The following FUT8 variants were observed in gnomAD, a reference collection of about 807,000 sequenced individuals.
FUT8 encodes the protein alpha-(1,6)-fucosyltransferase.
Under a neutral mutation model 71.3 loss-of-function variants are expected in FUT8, and 29 were observed. That is an observed-to-expected ratio of 0.41 (90% CI 0.30 to 0.55). FUT8 has a LOEUF of 0.55. FUT8 is among the 20% of genes least tolerant of loss of function. The pLI is 0.34. For missense variants in FUT8, 544 were observed against 702.1 expected (o/e 0.77, Z 2.55); for synonymous variants, 254 against 239.3 (o/e 1.06, Z -0.57).
intron 3 of FUT8, among the ~76,000 whole-genome samples, chr14:65,577,022 T>TC (rs1461005549): frequency 1.3e-5 from 2 of 150,938 alleles, no homozygotes; most frequent in African/African-American, 4.9e-5. Flanking sequence ...CTAATTAAAT[T>TC]TTTTTTTTGT....
intron 3 of FUT8, among the ~76,000 whole-genome samples, chr14:65,576,696 C>CCTTT (rs1886794034): frequency 1.0e-5 from 1 of 96,220 alleles, no homozygotes; most frequent in African/African-American, 6.3e-5. Context: ...GCCCAGCTTG[C>CCTTT]TTTTTTTTTT....
chr14:65,520,973 A>G (rs989942891), intron 2 of FUT8, among the ~76,000 whole-genome samples: 1 of 152,116 alleles, frequency 6.6e-6, no homozygotes, highest in Non-Finnish European at 1.5e-5. Flanking sequence ...GGATGATTTT[A>G]GATTTCTTTC....
chr14:65,561,993 G>A (rs971081665), intron 3 of FUT8, among the ~76,000 whole-genome samples: 2 of 152,028 alleles, frequency 1.3e-5, no homozygotes, highest in African/African-American at 4.8e-5. Flanking sequence ...ATGGGGCCCA[G>A]CACAAATTTG....
chr14:65,496,606 C>A (rs117196032), intron 2 of FUT8, among the ~76,000 whole-genome samples: 3 of 152,058 alleles, frequency 2.0e-5, no homozygotes, highest in Non-Finnish European at 4.4e-5. Flanking sequence ...TCTTGCCTGC[C>A]GCCATGTAAG....
chr14:65,448,580 T>G (rs1446342923), intron 1 of FUT8, among the ~76,000 whole-genome samples: 1 of 152,126 alleles, frequency 6.6e-6, no homozygotes, highest in African/African-American at 2.4e-5. Context: ...AAATATAATA[T>G]GTGTTAAGGT....
At chr14:65,379,512 A>G in the FUT8 span, among the ~76,000 whole-genome samples, 3 of 152,088 alleles carry the variant, frequency 2.0e-5, no homozygotes, top group Non-Finnish European at 2.9e-5. Context: ...CCTGGGCAAC[A>G]GAGGGAGACT....
At chr14:65,359,281 A>G in the FUT8 span, among the ~76,000 whole-genome samples, 2 of 152,214 alleles carry the variant, frequency 1.3e-5, no homozygotes, top group Non-Finnish European at 2.9e-5. Context: ...GTCGAAAATG[A>G]GAGAAGAAAC....
At chr14:65,394,373 A>T in the FUT8 span, among the ~76,000 whole-genome samples, 1 of 152,188 alleles carries the variant, frequency 6.6e-6, no homozygotes, top group Non-Finnish European at 1.5e-5. Flanking sequence ...TCCCTCTCAC[A>T]ACACATGGGA....
chr14:65,730,650 C>T (rs1347440540), intron 9 of FUT8, among the ~76,000 whole-genome samples: 2 of 151,898 alleles, frequency 1.3e-5, no homozygotes, highest in South Asian at 2.1e-4. Context: ...CCAGCCTGGG[C>T]GACAGAGCGA....
chr14:65,594,695 G>T (rs1468623929), intron 3 of FUT8, among the ~76,000 whole-genome samples: 1 of 152,148 alleles, frequency 6.6e-6, no homozygotes, highest in East Asian at 1.9e-4. Flanking sequence ...TCAGTGGAGA[G>T]GGGAGCGAGA....
At position 65,737,043 on chromosome 14, in the gene FUT8, C is replaced by T. The variant is rs904720931; in HGVS notation, c.1410+3662C>T. 1.1e-4 allele frequency among the ~76,000 whole-genome samples: 17 copies of T among 152,160 alleles called. No individual in the cohort carries two copies. The East Asian group carries it at 2.3e-3, about 21-fold the overall frequency. ...CCATGCTAGAAGGAAAAATACAAGG[C>T]TAGATGTTTGGAAAACTGCAGGCAA... On this transcript the variant is annotated intron_variant, in intron 10 of 10. Coordinates refer to ENST00000673929, the MANE Select transcript of FUT8 (RefSeq NM_001371533.1).
At chr14:65,446,128 T>TA (rs1363033461) in intron 1 of FUT8, among the ~76,000 whole-genome samples, 1 of 152,268 alleles carries the variant, frequency 6.6e-6, no homozygotes, top group African/African-American at 2.4e-5. Context: ...TTGAATTTGA[T>TA]ACGTCTTTTA....
chr14:65,526,076 G>T (rs905089717), intron 2 of FUT8, among the ~76,000 whole-genome samples: 2 of 152,174 alleles, frequency 1.3e-5, no homozygotes, highest in Non-Finnish European at 2.9e-5. Context: ...TGTCTATTAG[G>T]TCTGCTTGGT....
chr14:65,431,661 CTTTTTTT>C (rs11321643), intron 1 of FUT8, among the ~76,000 whole-genome samples: 2,535 of 143,806 alleles, frequency 0.018, 72 homozygotes, highest in African/African-American at 0.061. Context: ...TGTAGGTTCA[CTTTTTTT>C]TTTTTTTTAA....
At chr14:65,373,487 C>T in the FUT8 span, among the ~76,000 whole-genome samples, 5 of 152,038 alleles carry the variant, frequency 3.3e-5, no homozygotes, top group Non-Finnish European at 4.4e-5. Context: ...GCAGAAAGAC[C>T]AAACTCCAGG....
At chr14:65,448,840 T>C (rs1044364446) in intron 1 of FUT8, among the ~76,000 whole-genome samples, 47 of 152,242 alleles carry the variant, frequency 3.1e-4, no homozygotes, top group Admixed American at 3.1e-3. Flanking sequence ...TAAAAGCATC[T>C]TGACTGTAAT....
chr14:65,639,910 G>A (rs1032894286), intron 6 of FUT8, among the ~76,000 whole-genome samples: 2 of 152,034 alleles, frequency 1.3e-5, no homozygotes, highest in African/African-American at 4.8e-5. Flanking sequence ...TTACACCTAA[G>A]TAAATTAAGA....
intron 10 of FUT8, among the ~76,000 whole-genome samples, chr14:65,740,513 T>C (rs1156233564): frequency 6.6e-6 from 1 of 151,988 alleles, no homozygotes; most frequent in East Asian, 1.9e-4. Flanking sequence ...AAGAAATACC[T>C]GAGACTGGGC....
chr14:65,703,521 T>A (rs773604874), intron 7 of FUT8, among the ~76,000 whole-genome samples: 1 of 152,250 alleles, frequency 6.6e-6, no homozygotes, highest in Non-Finnish European at 1.5e-5. Context: ...CTAGAGATTT[T>A]ACACAGCGCA....
Sources: allele counts gnomAD v4.1 joint callset (sites outside exome capture counted in the v4.1 genomes callset), GRCh38; gene constraint gnomAD v4.1.1; transcripts MANE v1.5; gene names NCBI Gene and HGNC (gene_info 2026-07-23, HGNC 2026-07-21).